The following CCDC6 variants were observed in gnomAD, a reference collection of about 807,000 sequenced individuals.
CCDC6 encodes coiled-coil domain containing 6, also known as coiled-coil domain-containing protein 6.
A neutral mutation model predicts 56.6 loss-of-function variants in CCDC6; 20 were observed. The observed-to-expected ratio is 0.35, with a 90% CI of 0.25 to 0.51. CCDC6 has a LOEUF of 0.51. CCDC6 is among the 20% of genes least tolerant of loss of function. The probability of loss-of-function intolerance (pLI) is 0.95; values close to 1 mark genes in which losing one functional copy is unlikely to be tolerated. For synonymous variants in CCDC6, 241 were observed against 234.4 expected, an observed-to-expected ratio of 1.03 and a Z score of -0.26; for missense variants, 367 against 601.1, an observed-to-expected ratio of 0.61 and a Z score of 4.07.
intron 2 of CCDC6, among the ~76,000 whole-genome samples, chr10:59,840,234 G>C (rs1484094094): frequency 1.3e-5 from 2 of 152,154 alleles, no homozygotes; most frequent in Non-Finnish European, 2.9e-5. Flanking sequence ...CTGGGTCATA[G>C]AGAATAAGTA....
At chr10:59,857,002 G>A (rs932618018) in intron 1 of CCDC6, among the ~76,000 whole-genome samples, 1 of 152,088 alleles carries the variant, frequency 6.6e-6, no homozygotes, top group Admixed American at 6.6e-5. Context: ...TCCATATTCA[G>A]GTTCTAGTTG....
At chr10:59,858,752 A>G (rs2071099791) in intron 1 of CCDC6, among the ~76,000 whole-genome samples, 1 of 152,254 alleles carries the variant, frequency 6.6e-6, no homozygotes, top group Non-Finnish European at 1.5e-5. Context: ...TTCACTGGTC[A>G]CTTACTTGGA....
intron 1 of CCDC6, among the ~76,000 whole-genome samples, chr10:59,890,175 AGGCT>A (rs1474650812): frequency 2.6e-5 from 4 of 152,180 alleles, no homozygotes; most frequent in Non-Finnish European, 5.9e-5. Context: ...GTACCACTGC[AGGCT>A]GGCGAGGAAA....
At chr10:59,862,055 A>C (rs560605337) in intron 1 of CCDC6, among the ~76,000 whole-genome samples, 12 of 152,332 alleles carry the variant, frequency 7.9e-5, no homozygotes, top group African/African-American at 2.9e-4. Flanking sequence ...CGAAGACAAA[A>C]GGAAAATCTT....
Position 59,906,312 on chromosome 10 carries a change from C to T in CCDC6, c.113G>A (p.Gly38Glu), listed in dbSNP as rs1334412300. ...CGACTTCCCACCGCCGCCGCCTCCC[C>T]CGCCGCCACCGCCGCCGCCCGAGGT... ...SSTSGGGGGG[G>E]GGGGGGKSGG... Residue 38 changes from glycine (G) to glutamate (E), a missense_variant, in exon 1 of 9, where the codon GGG (glycine) becomes GAG (glutamate). Transcript: ENST00000263102. 3 of 1,600,324 alleles carry T rather than the reference C, an allele frequency of 1.9e-6. No individual in the cohort carries two copies. Among genetic ancestry groups the T allele is most frequent in the Non-Finnish European group, 2.5e-6 (3 of 1,178,540 alleles).
Position 59,906,229 on chromosome 10 carries a change from G to A in CCDC6, c.196C>T (p.Leu66=). 6.2e-7 allele frequency: 1 copy of A among 1,613,568 alleles called. No homozygotes were observed. Among genetic ancestry groups the A allele is most frequent in the Middle Eastern group, 1.7e-4 (1 of 6,060 alleles). ...LEELTNRLAS[L]QQENKVLKIE... ...TTCAGCACCTTGTTCTCTTGCTGCAGCGAGGCCAGGCGGTTGGTGAGCTCC... is the reference window on the plus strand; with the variant it reads ...TTCAGCACCTTGTTCTCTTGCTGCAACGAGGCCAGGCGGTTGGTGAGCTCC... The change falls in exon 1 of 9, where the codon CTG becomes TTG. Residue 66 remains leucine (L), a synonymous_variant. Coordinates refer to ENST00000263102, the MANE Select transcript of CCDC6 (RefSeq NM_005436.5).
intron 1 of CCDC6, among the ~76,000 whole-genome samples, chr10:59,891,084 G>T (rs369551989): frequency 4.6e-5 from 7 of 152,276 alleles, no homozygotes; most frequent in African/African-American, 1.7e-4. Flanking sequence ...AGTTAAATTC[G>T]AATTTCAGAT....
At chr10:59,862,516 T>C (rs12774472) in intron 1 of CCDC6, among the ~76,000 whole-genome samples, 4,020 of 97,050 alleles carry the variant, frequency 0.041, 185 homozygotes, top group African/African-American at 0.075. Context: ...TATATATATA[T>C]ACACACACAC....
At chr10:59,873,511 T>C (rs1270099114) in intron 1 of CCDC6, among the ~76,000 whole-genome samples, 1 of 152,162 alleles carries the variant, frequency 6.6e-6, no homozygotes, top group Non-Finnish European at 1.5e-5. Flanking sequence ...ACCTTGATTT[T>C]GGACTTCTGG....
chr10:59,835,495 G>C (rs2070874522), intron 2 of CCDC6, among the ~76,000 whole-genome samples: 1 of 152,146 alleles, frequency 6.6e-6, no homozygotes, highest in South Asian at 2.1e-4. Context: ...AAATTTGATG[G>C]TAAAGCTGTC....
chr10:59,824,464 G>A (rs1222879987), intron 3 of CCDC6, among the ~76,000 whole-genome samples: 1 of 152,180 alleles, frequency 6.6e-6, no homozygotes, highest in Non-Finnish European at 1.5e-5. Flanking sequence ...TGGACAAGCA[G>A]TGGGTGGGAT....
intron 2 of CCDC6, among the ~76,000 whole-genome samples, chr10:59,844,143 C>T (rs1029422896): frequency 6.6e-6 from 1 of 152,120 alleles, no homozygotes; most frequent in African/African-American, 2.4e-5. Context: ...GTGATCTAAT[C>T]TGCTATTTTC....
intron 1 of CCDC6, among the ~76,000 whole-genome samples, chr10:59,864,314 C>G (rs1564751427): frequency 6.6e-6 from 1 of 152,214 alleles, no homozygotes; most frequent in Non-Finnish European, 1.5e-5. Context: ...ACTCAAACTG[C>G]TAAGTCCCTA....
At chr10:59,793,171 A>C in intron 8 of CCDC6, 60 bp from the exon 9 acceptor site, 1 of 1,393,656 alleles carries the variant, frequency 7.2e-7, no homozygotes, top group East Asian at 2.3e-5. Context: ...ATTCTACCTA[A>C]CACAGCCTGA....
intron 1 of CCDC6, among the ~76,000 whole-genome samples, chr10:59,872,068 C>T (rs2071234455): frequency 6.6e-6 from 1 of 152,194 alleles, no homozygotes; most frequent in South Asian, 2.1e-4. Context: ...ACACATTTTA[C>T]AAAATTGGTT....
chr10:59,867,003 A>G (rs1184364012), intron 1 of CCDC6, among the ~76,000 whole-genome samples: 1 of 152,216 alleles, frequency 6.6e-6, no homozygotes, highest in African/African-American at 2.4e-5. Context: ...TATCGCTGCC[A>G]TCACTTCAAG....
At chr10:59,854,185 A>G (rs2071061723) in intron 1 of CCDC6, among the ~76,000 whole-genome samples, 2 of 152,114 alleles carry the variant, frequency 1.3e-5, no homozygotes, top group African/African-American at 4.8e-5. Context: ...CTTACTGTAA[A>G]AGGCTCCGAC....
intron 1 of CCDC6, among the ~76,000 whole-genome samples, chr10:59,867,838 G>A (rs2071190091): frequency 1.3e-5 from 2 of 152,098 alleles, no homozygotes; most frequent in South Asian, 4.1e-4. Context: ...CACAGTGCTG[G>A]GATTACAGGT....
rs556656840 is a variant in CCDC6, at chr10:59,819,182, C to T, written c.583-4427G>A. Among the ~76,000 whole-genome samples, 25 of 152,258 alleles carry T rather than the reference C, an allele frequency of 1.6e-4. No homozygotes were observed. In the South Asian group the frequency reaches 5.0e-3, roughly 30 times the overall value. On this transcript the variant is annotated intron_variant, in intron 3 of 8. Coordinates refer to ENST00000263102, the MANE Select transcript of CCDC6 (RefSeq NM_005436.5). ...CTTAACTCTTGTTTATATCAATCAG[C>T]TTCTGGTAAAATTGATTTTCATATA...
Sources: allele counts gnomAD v4.1 joint callset (sites outside exome capture counted in the v4.1 genomes callset), GRCh38; gene constraint gnomAD v4.1.1; transcripts MANE v1.5; gene names NCBI Gene and HGNC (gene_info 2026-07-23, HGNC 2026-07-21).